The following ARFGEF2 variants were observed in gnomAD, a reference collection of about 807,000 sequenced individuals.
The protein encoded by ARFGEF2 is brefeldin A-inhibited guanine nucleotide-exchange protein 2.
ARFGEF2 carries 74 observed loss-of-function variants against 219.9 expected under a neutral mutation model. The ratio of observed to expected loss-of-function variants is 0.34; its 90% CI spans 0.28 to 0.41. ARFGEF2 has a LOEUF of 0.41. Among genes scored for constraint, ARFGEF2 ranks in the 10% least tolerant of loss-of-function variants. ARFGEF2 has a pLI of 1.00. For missense variants in ARFGEF2, 1,743 were observed against 2,218.3 expected (o/e 0.79, Z 4.30); for synonymous variants, 733 against 799.2 (o/e 0.92, Z 1.40).
chr20:49,033,479 T>C lies in ARFGEF2; in HGVS notation c.*280T>C. On this transcript the variant is annotated 3_prime_UTR_variant, in exon 39 of 39. Transcript: ENST00000371917. ...TTAAACTGTCAAATCTGTCATTGCA[T>C]ATGCCATCGTTTTCTAGCAAAATCC... 1 of 423,238 alleles carries C rather than the reference T, an allele frequency of 2.4e-6. No homozygotes were observed. The highest frequency in any genetic ancestry group is 4.4e-6 in the Non-Finnish European group (1 of 229,548). 26.2% of individuals were successfully genotyped at this position (423,238 alleles called of 1,614,324 possible).
chr20:48,978,835 CTT>C (rs1327691121), intron 14 of ARFGEF2, among the ~76,000 whole-genome samples: 10 of 152,184 alleles, frequency 6.6e-5, no homozygotes, highest in Admixed American at 4.6e-4. Flanking sequence ...TATTCTGAGA[CTT>C]TGCTGAAGTT....
At chr20:49,027,070 C>CT (rs886274369) in intron 36 of ARFGEF2, among the ~76,000 whole-genome samples, 21 of 146,120 alleles carry the variant, frequency 1.4e-4, no homozygotes, top group Middle Eastern at 3.5e-3. Context: ...AGAATGTGTT[C>CT]TTTTTTTTTT....
intron 16 of ARFGEF2, among the ~76,000 whole-genome samples, chr20:48,986,847 A>T (rs1332063588): frequency 6.6e-6 from 1 of 152,050 alleles, no homozygotes; most frequent in Non-Finnish European, 1.5e-5. Flanking sequence ...CTACAGGTGC[A>T]TGCCACTGTG....
At chr20:49,018,045 G>A (rs770122698) in intron 33 of ARFGEF2, among the ~76,000 whole-genome samples, 5 of 152,168 alleles carry the variant, frequency 3.3e-5, no homozygotes, top group African/African-American at 4.8e-5. Context: ...CACCAAAGAA[G>A]TGGTAGTTCT....
chr20:48,944,345 T>C (rs932028420), intron 3 of ARFGEF2, among the ~76,000 whole-genome samples: 1 of 152,224 alleles, frequency 6.6e-6, no homozygotes, highest in South Asian at 2.1e-4. Context: ...CTGACATGCA[T>C]TGAGCTCTTA....
intron 21 of ARFGEF2, among the ~76,000 whole-genome samples, chr20:48,993,094 C>G (rs7270892): frequency 2.0e-5 from 3 of 152,074 alleles, no homozygotes; most frequent in African/African-American, 7.2e-5. Flanking sequence ...TTTTTAAAAT[C>G]ATTTCCTGCC....
intron 1 of ARFGEF2, among the ~76,000 whole-genome samples, chr20:48,922,863 G>A (rs949838192): frequency 1.3e-5 from 2 of 152,204 alleles, no homozygotes; most frequent in Admixed American, 6.5e-5. Context: ...GAACAAGACG[G>A]ACATGGTCCT....
At chr20:49,001,735 A>C (rs766895397) in intron 25 of ARFGEF2, among the ~76,000 whole-genome samples, 1 of 152,108 alleles carries the variant, frequency 6.6e-6, no homozygotes, top group Non-Finnish European at 1.5e-5. Context: ...AATTATTCTT[A>C]CTAGTTTGTT....
At chr20:48,946,855 G>A (rs1234275384) in intron 3 of ARFGEF2, among the ~76,000 whole-genome samples, 1 of 151,956 alleles carries the variant, frequency 6.6e-6, no homozygotes, top group Non-Finnish European at 1.5e-5. Context: ...AGACTAGAGT[G>A]CAGTGGCTTG....
intron 1 of ARFGEF2, among the ~76,000 whole-genome samples, chr20:48,923,660 C>T (rs1189240815): frequency 3.3e-5 from 5 of 152,224 alleles, no homozygotes; most frequent in Non-Finnish European, 7.3e-5. Context: ...TATAACTCCA[C>T]GTTGAAATCT....
chr20:49,035,346 A>G lies in ARFGEF2; in HGVS notation c.*2147A>G, dbSNP rs1448741745. 6.6e-6 allele frequency: 1 copy of G among 152,154 alleles called. No homozygotes were observed. The highest frequency in any genetic ancestry group is 1.5e-5 in the Non-Finnish European group (1 of 68,010). 9.4% of individuals were successfully genotyped at this position (152,154 alleles called of 1,614,324 possible). On this transcript the variant is annotated 3_prime_UTR_variant, in exon 39 of 39. Transcript: ENST00000371917. ...TACTTGCTGAAACATTCAGGCTTAC[A>G]TTTCTTATTAGTTTAGTATTTTAAA...
chr20:49,008,361 G>A (rs905595717), intron 26 of ARFGEF2, among the ~76,000 whole-genome samples: 3 of 151,966 alleles, frequency 2.0e-5, no homozygotes, highest in African/African-American at 4.8e-5. Context: ...TCAGGAATTC[G>A]AGACCAGCCT....
intron 8 of ARFGEF2, 86 bp from the exon 9 acceptor site, chr20:48,969,061 G>A: frequency 1.4e-6 from 2 of 1,458,782 alleles, no homozygotes; most frequent in Non-Finnish European, 9.5e-7. Context: ...CCTCGGCTCA[G>A]TGGATCCTCC....
intron 14 of ARFGEF2, among the ~76,000 whole-genome samples, chr20:48,983,452 C>G (rs1340166501): frequency 6.6e-6 from 1 of 152,232 alleles, no homozygotes; most frequent in Non-Finnish European, 1.5e-5. Context: ...CACTCCACCT[C>G]CCTCTAGTGT....
At chr20:49,003,600 G>A (rs757130986) in intron 25 of ARFGEF2, among the ~76,000 whole-genome samples, 6 of 151,358 alleles carry the variant, frequency 4.0e-5, no homozygotes, top group Admixed American at 1.3e-4. Context: ...GCAAGACTCC[G>A]TCTCAAAAAA....
chr20:48,988,422 G>C, intron 17 of ARFGEF2, 34 bp downstream of exon 17: 2 of 1,611,112 alleles, frequency 1.2e-6, no homozygotes, highest in Admixed American at 1.7e-5. Context: ...TGTTGTATTA[G>C]CTAAATAAGT....
chr20:48,985,308 G>C, intron 15 of ARFGEF2, 100 bp from the exon 16 acceptor site: 1 of 1,305,734 alleles, frequency 7.7e-7, no homozygotes, highest in Non-Finnish European at 1.1e-6. Flanking sequence ...ATTCTGGGCA[G>C]TTAGGGCCAG....
At chr20:48,962,103 C>T (rs1482128910) in intron 6 of ARFGEF2, among the ~76,000 whole-genome samples, 2 of 152,170 alleles carry the variant, frequency 1.3e-5, no homozygotes, top group Non-Finnish European at 2.9e-5. Flanking sequence ...TTGCTTGAAC[C>T]TGGGAGGCGG....
chr20:48,998,901 C>A (rs1470505825), intron 25 of ARFGEF2, among the ~76,000 whole-genome samples: 2 of 152,100 alleles, frequency 1.3e-5, no homozygotes, highest in Non-Finnish European at 2.9e-5. Flanking sequence ...TTCTTGTATT[C>A]CGGCACCTAT....
Sources: allele counts gnomAD v4.1 joint callset (sites outside exome capture counted in the v4.1 genomes callset), GRCh38; gene constraint gnomAD v4.1.1; transcripts MANE v1.5; gene names NCBI Gene and HGNC (gene_info 2026-07-23, HGNC 2026-07-21).